MUC4: variants seen among roughly 807,000 people sequenced by gnomAD.
MUC4 encodes mucin 4, cell surface associated, also known as mucin-4.
A neutral mutation model predicts 257.9 loss-of-function variants in MUC4; 202 were observed. That is an observed-to-expected ratio of 0.78 (90% confidence interval 0.70 to 0.88). The LOEUF (loss-of-function observed/expected upper bound fraction) is 0.88, where lower values mean the gene tolerates loss of function less well. MUC4 is among the 40% of genes least tolerant of loss of function. MUC4 has a pLI of 0.00. For synonymous variants in MUC4, 2,351 were observed against 2,757.1 expected (o/e 0.85, Z 4.62); for missense variants, 5,976 against 6,513.7 (o/e 0.92, Z 2.84).
At chr3:195,759,466 C>A (rs528750898) in intron 16 of MUC4, among the ~76,000 whole-genome samples, 18 of 152,296 alleles carry the variant, frequency 1.2e-4, no homozygotes, top group Non-Finnish European at 2.4e-4. Context: ...TCTTTAGCCT[C>A]TTTCTCTCCC....
rs796783146 is a variant in MUC4, at chr3:195,754,177, C to T, written c.15328+36G>A. Reference sequence around the variant, plus strand: ...ACACCCTTGAGCTATCAGCTGCTCCCAGAAGCGCCTGCTCCAGGCCCTGTT... The same window carrying T: ...ACACCCTTGAGCTATCAGCTGCTCCTAGAAGCGCCTGCTCCAGGCCCTGTT... On this transcript the variant is annotated intron_variant, in intron 19 of 24. Transcript: ENST00000463781. The T allele has an allele frequency of 7.6e-6, 12 of 1,586,396 alleles. No individual in the cohort carries two copies. The East Asian group carries it at 1.8e-4, about 24-fold the overall frequency.
intron 24 of MUC4, among the ~76,000 whole-genome samples, chr3:195,748,086 C>T (rs1715482177): frequency 6.6e-6 from 1 of 152,236 alleles, no homozygotes; most frequent in Admixed American, 6.5e-5. Flanking sequence ...GGGCCCGGAG[C>T]CCAGGTCTGC....
chr3:195,788,878 G>A lies in MUC4; in HGVS notation c.2702C>T (p.Thr901Ile), dbSNP rs371528225. The stretch of plus-strand genomic sequence containing the variant: ...CTGGGCCATCCGGGAAATGGCGGCT[G>A]TCTCCTGAGGAGAGGCACTGGGAGA... ...PTSPSASPQE[T>I]AAISRMAQTQ... The change falls in exon 2 of 25, where the codon ACA becomes ATA. Residue 901 changes from threonine to isoleucine, a missense_variant. Around this residue, in one of 44 missense-constraint regions of MUC4, gnomAD observed 1,583 missense variants for 1,257.4 expected, o/e 1.26. Coordinates refer to ENST00000463781, the MANE Select transcript of MUC4 (RefSeq NM_018406.7). 2.7e-5 allele frequency: 43 copies of A among 1,613,734 alleles called. No individual in the cohort carries two copies. Among genetic ancestry groups the A allele is most frequent in the Non-Finnish European group, 3.5e-5 (41 of 1,179,828 alleles).
Position 195,781,564 on chromosome 3 carries a change from G to A in MUC4, c.10016C>T (p.Thr3339Ile). Residue 3339 changes from threonine (T) to isoleucine (I), a missense_variant, in exon 2 of 25, where the codon ACA (threonine) becomes ATA (isoleucine). Around this residue, in one of 44 missense-constraint regions of MUC4, gnomAD observed 72 missense variants for 33.5 expected, o/e 2.15. Coordinates refer to ENST00000463781, the MANE Select transcript of MUC4 (RefSeq NM_018406.7). The stretch of plus-strand genomic sequence containing the variant: ...GACAGGCACAGGGGTGGTGTCACCT[G>A]TGGATGCTGAGGAAGGGCTGGTGAC... The part of the protein sequence containing the change: ...LHVTSPSSAS[T>I]GDTTPVPVTD... 7.8e-7 allele frequency: 1 copy of A among 1,282,778 alleles called. No homozygotes were observed. Among genetic ancestry groups the A allele is most frequent in the African/African-American group, 1.7e-5 (1 of 60,348 alleles). 79.5% of individuals were successfully genotyped at this position (1,282,778 alleles called of 1,614,324 possible).
At chr3:195,801,190 A>G (rs1232754388) in intron 1 of MUC4, among the ~76,000 whole-genome samples, 1 of 152,176 alleles carries the variant, frequency 6.6e-6, no homozygotes, top group Non-Finnish European at 1.5e-5. Flanking sequence ...TCTCACCAGG[A>G]TGCAAGTCAG....
Position 195,786,943 on chromosome 3 carries a change from G to T in MUC4, c.4637C>A (p.Ser1546Tyr), listed in dbSNP as rs1367872723. Reference sequence around the variant, plus strand: ...AGGAAGAGGGGTGGTGTCACCTGTGGATGCTGAGGAAGGGCTAGTGACAGG... The same window carrying T: ...AGGAAGAGGGGTGGTGTCACCTGTGTATGCTGAGGAAGGGCTAGTGACAGG... ...PLPVTSPSSA[S>Y]TGDTTPLPVT... is the part of the protein sequence containing the mutation. The change falls in exon 2 of 25, where the codon TCC becomes TAC. Residue 1546 changes from serine to tyrosine, a missense_variant. By Grantham distance (144) the Ser-to-Tyr change is moderately radical. Transcript: ENST00000463781. 4.4e-6 allele frequency: 4 copies of T among 918,634 alleles called. No individual in the cohort carries two copies. Among genetic ancestry groups the T allele is most frequent in the South Asian group, 2.0e-5 (1 of 51,120 alleles). The allele number at this position is 918,634 out of a possible 1,614,324, so 56.9% of individuals were successfully genotyped here.
rs770394757 is a variant in MUC4 at position 195,747,327 on chromosome 3, C to T, written c.16088G>A (p.Ser5363Asn). 1 of 1,614,102 alleles carries T rather than the reference C, an allele frequency of 6.2e-7. No individual in the cohort carries two copies. The highest frequency in any genetic ancestry group is 8.5e-7 in the Non-Finnish European group (1 of 1,179,920). The change falls in exon 25 of 25, where the codon AGC becomes AAC. Residue 5363 changes from serine (S) to asparagine (N), a missense_variant. By Grantham distance (46) the Ser-to-Asn change is conservative (BLOSUM62 1). Coordinates refer to ENST00000463781, the MANE Select transcript of MUC4 (RefSeq NM_018406.7). Reference sequence around the variant, plus strand: ...GCCGAAGAACGCGTCGAGTTTCATGCTCAGGTGCTCACAGTGCTCGCCCCA... The same window carrying T: ...GCCGAAGAACGCGTCGAGTTTCATGTTCAGGTGCTCACAGTGCTCGCCCCA... Reference protein sequence around the residue: ...TAWGEHCEHLSMKLDAFFGIF... With the variant: ...TAWGEHCEHLNMKLDAFFGIF...
At chr3:195,806,587 G>A (rs1053804687) in intron 1 of MUC4, among the ~76,000 whole-genome samples, 5 of 152,332 alleles carry the variant, frequency 3.3e-5, no homozygotes, top group South Asian at 2.1e-4. Context: ...TAAGGCAGGC[G>A]TTTCCTAAAT....
chr3:195,761,199 A>T, intron 15 of MUC4, 82 bp from the exon 16 acceptor site: 1 of 1,369,958 alleles, frequency 7.3e-7, no homozygotes. Context: ...CTCACTTTAG[A>T]TGGCTTGGAG....
At position 195,781,349 on chromosome 3, in the gene MUC4, C is replaced by T. The variant is rs748643991; in HGVS notation, c.10231G>A (p.Val3411Ile). ...GTGGATGCTGAGGAAGGGCTAGTGA[C>T]AGGAAGAGGCATGGTGTCACCTGTG... ...VSTGDTMPLP[V>I]TSPSSASTGH... The change falls in exon 2 of 25, where the codon GTC becomes ATC. Residue 3411 changes from valine to isoleucine, a missense_variant. Transcript: ENST00000463781. 33 of 1,484,162 alleles carry T rather than the reference C, an allele frequency of 2.2e-5. 5 individuals are homozygous for T. The African/African-American group carries it at 4.2e-4, about 19-fold the overall frequency. The allele number at this position is 1,484,162 out of a possible 1,614,324, so 91.9% of individuals were successfully genotyped here. A position where few individuals can be genotyped will look rare whatever the true frequency, so the allele number is the denominator to read the frequency against.
At chr3:195,751,436 C>A in intron 21 of MUC4, 165 bp from the exon 22 acceptor site, 1 of 640,704 alleles carries the variant, frequency 1.6e-6, no homozygotes, top group Non-Finnish European at 2.8e-6. Flanking sequence ...TCTAGCCTAG[C>A]TCAGTGAGTG....
chr3:195,757,428 T>G lies in MUC4; in HGVS notation c.14987-100A>C, dbSNP rs1251229801. 9.9e-7 allele frequency: 1 copy of G among 1,012,952 alleles called. No homozygotes were observed. The highest frequency in any genetic ancestry group is 1.4e-6 in the Non-Finnish European group (1 of 723,136). The allele number at this position is 1,012,952 out of a possible 1,614,324, so 62.7% of individuals were successfully genotyped here. A position where few individuals can be genotyped will look rare whatever the true frequency, so the allele number is the denominator to read the frequency against. ...TTCCCCCACCCCTCTCAGGCCACCCTCCCCCTCCCCAGACAAATCTCATTG... is the reference window on the plus strand; with the variant it reads ...TTCCCCCACCCCTCTCAGGCCACCCGCCCCCTCCCCAGACAAATCTCATTG... On this transcript the variant is annotated intron_variant, in intron 17 of 24. Transcript: ENST00000463781. The surrounding 1 kb of genome is among the most constrained non-coding windows in gnomAD (Gnocchi z 4.8).
intron 16 of MUC4, 104 bp downstream of exon 16, chr3:195,760,780 T>A: frequency 1.1e-6 from 1 of 923,748 alleles, no homozygotes. Context: ...TGGAAGAATC[T>A]GCTCAGTGAA....
At position 195,785,652 on chromosome 3, in the gene MUC4, T is replaced by C. The variant is rs760353087; in HGVS notation, c.5928A>G (p.Ser1976=). 5.3e-5 allele frequency: 81 copies of C among 1,525,818 alleles called. No homozygotes were observed. In the African/African-American group the frequency reaches 1.0e-3, roughly 20 times the overall value. 94.5% of individuals were successfully genotyped at this position (1,525,818 alleles called of 1,614,324 possible). ...GAGGGGTGGCGTGACCTGTGGACAC[T>C]GAGGAAGCGTCGGTGACAGGAAGAG... ...ATSLPVTDAS[S]VSTGHATPLP... Residue 1976 remains serine (S), a synonymous_variant, in exon 2 of 25, where the codon TCA becomes TCG. Transcript: ENST00000463781.
At chr3:195,775,976 A>G (rs1175516580) in intron 3 of MUC4, among the ~76,000 whole-genome samples, 30 of 46,304 alleles carry the variant, frequency 6.5e-4, no homozygotes, top group Admixed American at 1.3e-3. Flanking sequence ...CATACCTTCC[A>G]CATCCATACC....
At chr3:195,811,465 G>A (rs531603582) in intron 1 of MUC4, among the ~76,000 whole-genome samples, 28 of 152,090 alleles carry the variant, frequency 1.8e-4, no homozygotes, top group Admixed American at 4.6e-4. Flanking sequence ...GAGCCACCGC[G>A]CACGGCCTCC....
rs754656010 is a variant in MUC4 at position 195,789,211 on chromosome 3, G to A, written c.2369C>T (p.Pro790Leu). The A allele has an allele frequency of 5.5e-5, 89 of 1,613,744 alleles. No individual in the cohort carries two copies. Among genetic ancestry groups the A allele is most frequent in the Middle Eastern group, 1.6e-4 (1 of 6,082 alleles). Residue 790 changes from proline (P) to leucine (L), a missense_variant, in exon 2 of 25, where the codon CCG becomes CTG. By Grantham distance (98) the Pro-to-Leu change is moderately conservative (BLOSUM62 -3). This residue lies in a region of MUC4 where 1,583 missense variants were observed against 1,257.4 expected (regional missense o/e 1.26). Transcript: ENST00000463781. ...EASGQTQTSEPASSGSRTTSA... is the reference protein window; with the variant it reads ...EASGQTQTSELASSGSRTTSA... The stretch of plus-strand genomic sequence containing the variant: ...GGTGGTTCGTGACCCTGAGGAGGCC[G>A]GTTCGCTGGTCTGTGTTTGTCCAGA...
At position 195,758,261 on chromosome 3, in the gene MUC4, G is replaced by A. The variant is rs999861808; in HGVS notation, c.14986+863C>T. Among the ~76,000 whole-genome samples, 4 of 152,052 alleles carry A rather than the reference G, an allele frequency of 2.6e-5. No homozygotes were observed. In the East Asian group the frequency reaches 7.7e-4, roughly 29 times the overall value. The stretch of plus-strand genomic sequence containing the variant: ...GGCCCTGATCATGGATGTAGGGCTC[G>A]GGGTCTCTAACACCTTTACGGAGAG... On this transcript the variant is annotated intron_variant, in intron 17 of 24. Transcript: ENST00000463781.
intron 20 of MUC4, 100 bp from the exon 21 acceptor site, chr3:195,752,546 G>A (rs1465599731): frequency 3.0e-6 from 3 of 1,015,794 alleles, no homozygotes; most frequent in East Asian, 2.5e-5. Flanking sequence ...CCATTCCAGT[G>A]ACAGAAGGTC....
Sources: gnomAD v4.1 joint callset for allele counts (sites outside exome capture counted in the v4.1 genomes callset) on GRCh38, gnomAD v4.1.1 for gene constraint, gnomAD v4.1.1 regional missense constraint, Gnocchi (gnomAD v3.1) non-coding constraint, MANE v1.5 for transcripts, NCBI Gene and HGNC (gene_info 2026-07-23, HGNC 2026-07-21) for gene names.